Variants in CAMSAP1 observed in about 807,000 individuals in gnomAD.
CAMSAP1 encodes calmodulin regulated spectrin associated protein 1, also known as calmodulin-regulated spectrin-associated protein 1.
CAMSAP1 carries 58 observed loss-of-function variants against 143.5 expected under a neutral mutation model. The observed-to-expected ratio is 0.40, with a 90% CI of 0.33 to 0.50. The LOEUF is 0.50. CAMSAP1 is among the 20% of genes least tolerant of loss of function. The pLI, the probability that CAMSAP1 is intolerant of heterozygous loss-of-function variation, is 0.45. For synonymous variants in CAMSAP1, 945 were observed against 859.3 expected (o/e 1.10, Z -1.74); for missense variants, 1,969 against 2,115.7 (o/e 0.93, Z 1.36).
chr9:135,875,355 A>T (rs1258536406), intron 3 of CAMSAP1, among the ~76,000 whole-genome samples: 2 of 151,974 alleles, frequency 1.3e-5, no homozygotes, highest in African/African-American at 4.8e-5. Context: ...GATTACAGGC[A>T]TGTGCCACCA....
chr9:135,872,955 A>G, intron 3 of CAMSAP1, among the ~76,000 whole-genome samples: 1 of 152,250 alleles, frequency 6.6e-6, no homozygotes, highest in East Asian at 1.9e-4. Flanking sequence ...AAGACAGGAA[A>G]ACGGTAAAGG....
intron 5 of CAMSAP1, among the ~76,000 whole-genome samples, chr9:135,860,266 G>A (rs1316335682): frequency 2.0e-5 from 3 of 150,280 alleles, no homozygotes; most frequent in Non-Finnish European, 3.0e-5. Context: ...AAAGCATCCA[G>A]AACTCAGCAG....
At chr9:135,886,839 G>A (rs561749851) in intron 1 of CAMSAP1, among the ~76,000 whole-genome samples, 2 of 152,244 alleles carry the variant, frequency 1.3e-5, no homozygotes, top group African/African-American at 2.4e-5. Flanking sequence ...CCCAGGAGGC[G>A]TGAGCAGCAG....
rs1032178268 is a variant in CAMSAP1, at chr9:135,818,442, C to T, written c.4134G>A (p.Ser1378=). 3 of 1,597,254 alleles carry T rather than the reference C, an allele frequency of 1.9e-6. No homozygotes were observed. The highest frequency in any genetic ancestry group is 1.7e-6 in the Non-Finnish European group (2 of 1,176,260). The change falls in exon 13 of 17, where the codon TCG becomes TCA. Residue 1378 remains serine, a synonymous_variant. Coordinates refer to ENST00000389532, the MANE Select transcript of CAMSAP1 (RefSeq NM_015447.4). This position sits in a 1 kb window ranked among gnomAD's most constrained non-coding sequence, Gnocchi z 7.7. ...AGCACTTGGTGCCGGAGTCGCTGCA[C>T]GACTCTTCCCGGTGCACCGACTTCG... ...PRPKSVHREE[S]CSDSGTKCSS... is the part of the protein sequence containing the mutation.
chr9:135,898,981 C>T (rs1838535144), intron 1 of CAMSAP1, among the ~76,000 whole-genome samples: 1 of 152,022 alleles, frequency 6.6e-6, no homozygotes, highest in Non-Finnish European at 1.5e-5. Flanking sequence ...AGTTCTAAAA[C>T]GTGAGCTAGC....
chr9:135,815,776 A>T (rs1835207901), intron 15 of CAMSAP1, 114 bp downstream of exon 15: 3 of 868,340 alleles, frequency 3.5e-6, no homozygotes, highest in Non-Finnish European at 5.3e-6. Context: ...TACATCAAAC[A>T]TCTTTGTTAG....
chr9:135,906,955 G>T, intron 1 of CAMSAP1, 45 bp downstream of exon 1: 1 of 869,186 alleles, frequency 1.2e-6, no homozygotes, highest in Non-Finnish European at 1.4e-6. Context: ...CCCCGGCCCC[G>T]GCCCGCGCCC....
At position 135,810,074 on chromosome 9, in the gene CAMSAP1, T is replaced by C. The variant is rs1160824749; in HGVS notation, c.*1235A>G. The C allele has an allele frequency of 2.0e-5, 3 of 152,648 alleles. No homozygotes were observed. The highest frequency in any genetic ancestry group is 6.5e-5 in the Admixed American group (1 of 15,288). 9.5% of individuals were successfully genotyped at this position (152,648 alleles called of 1,614,324 possible). On this transcript the variant is annotated 3_prime_UTR_variant, in exon 17 of 17. Transcript: ENST00000389532. ...AGTGGCTCCAGAATCTTCCGGCAGC[T>C]GGTCAGTTGCAGCAGTGTCTGGCAG...
intron 1 of CAMSAP1, among the ~76,000 whole-genome samples, chr9:135,904,441 G>T (rs376304835): frequency 5.3e-5 from 8 of 149,744 alleles, no homozygotes; most frequent in African/African-American, 2.0e-4. Flanking sequence ...AATTACACAC[G>T]AGGCTGAAGC....
rs7042455 is a variant in CAMSAP1, at chr9:135,811,630, G to C, written c.4507-19C>G. ...CCAGCTCCTGTGCAGAGAGAGAAAAGGGGAAGAGACAAACACTTCAGGGCC... is the reference window on the plus strand; with the variant it reads ...CCAGCTCCTGTGCAGAGAGAGAAAACGGGAAGAGACAAACACTTCAGGGCC... On this transcript the variant is annotated intron_variant, in intron 16 of 16. Coordinates refer to ENST00000389532, the MANE Select transcript of CAMSAP1 (RefSeq NM_015447.4). This position sits in a 1 kb window ranked among gnomAD's most constrained non-coding sequence, Gnocchi z 4.9. 0.16 allele frequency: 248,447 copies of C among 1,564,056 alleles called. 21,171 individuals are homozygous for C. Among genetic ancestry groups the C allele is most frequent in the South Asian group, 0.17 (14,870 of 84,980 alleles).
intron 1 of CAMSAP1, among the ~76,000 whole-genome samples, chr9:135,902,156 T>C (rs554427388): frequency 1.3e-5 from 2 of 152,176 alleles, no homozygotes; most frequent in Non-Finnish European, 2.9e-5. Flanking sequence ...CCACAGTATT[T>C]AGTACCACCT....
intron 1 of CAMSAP1, among the ~76,000 whole-genome samples, chr9:135,899,680 A>G (rs1838560245): frequency 6.6e-6 from 1 of 151,956 alleles, no homozygotes; most frequent in Admixed American, 6.6e-5. Flanking sequence ...CACTACCCCC[A>G]TGAGGCCACC....
chr9:135,827,587 G>A lies in CAMSAP1; in HGVS notation c.1046-3C>T, dbSNP rs1041415529. 1.9e-6 allele frequency: 3 copies of A among 1,554,368 alleles called. No homozygotes were observed. Among genetic ancestry groups the A allele is most frequent in the African/African-American group, 1.4e-5 (1 of 73,570 alleles). Reference sequence around the variant, plus strand: ...CTTCTGGTGTAACACTGTTTTCGCTGCAGAAATAGCGTTTTTGCATCGTTA... The same window carrying A: ...CTTCTGGTGTAACACTGTTTTCGCTACAGAAATAGCGTTTTTGCATCGTTA... On this transcript the variant is annotated splice_polypyrimidine_tract_variant and splice_region_variant and intron_variant, in intron 7 of 16. Transcript: ENST00000389532.
At chr9:135,889,028 G>C (rs1038002029) in intron 1 of CAMSAP1, among the ~76,000 whole-genome samples, 1 of 152,214 alleles carries the variant, frequency 6.6e-6, no homozygotes, top group Non-Finnish European at 1.5e-5. Flanking sequence ...CTCAGAGAGG[G>C]GAGAGGATCC....
At chr9:135,829,642 T>A (rs1216498028) in intron 7 of CAMSAP1, among the ~76,000 whole-genome samples, 1 of 152,076 alleles carries the variant, frequency 6.6e-6, no homozygotes. Context: ...TCACCCGAGG[T>A]TGGGAGTTCA....
intron 1 of CAMSAP1, among the ~76,000 whole-genome samples, chr9:135,894,710 A>G (rs1378879910): frequency 1.3e-5 from 2 of 152,256 alleles, no homozygotes; most frequent in African/African-American, 4.8e-5. Context: ...TACTGCTAAA[A>G]TAAAACCAGT....
chr9:135,848,780 G>A (rs1836668542), intron 7 of CAMSAP1, among the ~76,000 whole-genome samples: 1 of 152,248 alleles, frequency 6.6e-6, no homozygotes, highest in Non-Finnish European at 1.5e-5. Flanking sequence ...GAGCAGAGCT[G>A]CTCTGAGCAT....
chr9:135,862,940 T>C (rs1837250574), intron 4 of CAMSAP1, among the ~76,000 whole-genome samples: 1 of 152,062 alleles, frequency 6.6e-6, no homozygotes, highest in African/African-American at 2.4e-5. Context: ...AACACACACC[T>C]ACACTACCGA....
At chr9:135,848,969 T>G (rs1020704474) in intron 7 of CAMSAP1, among the ~76,000 whole-genome samples, 2 of 152,216 alleles carry the variant, frequency 1.3e-5, no homozygotes, top group African/African-American at 4.8e-5. Flanking sequence ...TGGTGAAAGG[T>G]GCACTCTCAG....
Sources: gnomAD v4.1 joint callset for allele counts (sites outside exome capture counted in the v4.1 genomes callset) on GRCh38, gnomAD v4.1.1 for gene constraint, Gnocchi (gnomAD v3.1) non-coding constraint, MANE v1.5 for transcripts, NCBI Gene and HGNC (gene_info 2026-07-23, HGNC 2026-07-21) for gene names.